Variants in USP6NL observed in about 807,000 individuals in gnomAD.
USP6NL encodes USP6 N-terminal like, also known as USP6 N-terminal-like protein.
A neutral mutation model predicts 61.9 loss-of-function variants in USP6NL; 26 were observed. The observed-to-expected ratio is 0.42, with a 90% CI of 0.31 to 0.58. The LOEUF is 0.58. USP6NL is among the 20% of genes least tolerant of loss of function. The pLI, the probability that USP6NL is intolerant of heterozygous loss-of-function variation, is 0.16. For synonymous variants in USP6NL, 432 were observed against 390.1 expected, an observed-to-expected ratio of 1.11 and a Z score of -1.27; for missense variants, 1,114 against 1,034.3, an observed-to-expected ratio of 1.08 and a Z score of -1.06.
At chr10:11,536,593 T>C (rs1394408074) in intron 2 of USP6NL, among the ~76,000 whole-genome samples, 1 of 152,244 alleles carries the variant, frequency 6.6e-6, no homozygotes, top group African/African-American at 2.4e-5. Context: ...CTGCTGCTAA[T>C]TGGAGTGTAT....
In USP6NL at chr10:11,463,426, T is replaced by G. The variant is rs747886373; in HGVS notation, c.1502A>C (p.Lys501Thr). Residue 501 changes from lysine (K) to threonine (T), a missense_variant, in exon 15 of 15, where the codon AAA becomes ACA. Coordinates refer to ENST00000609104, the MANE Select transcript of USP6NL (RefSeq NM_014688.5). This position sits in a 1 kb window ranked among gnomAD's most constrained non-coding sequence, Gnocchi z 6.3. ...SDVSATERTA[K>T]YTMEGKGRAA... Reference sequence around the variant, plus strand: ...TCGACCTTTGCCTTCCATGGTGTATTTGGCAGTTCTCTCTGTAGCTGAGAC... The same window carrying G: ...TCGACCTTTGCCTTCCATGGTGTATGTGGCAGTTCTCTCTGTAGCTGAGAC... 1.2e-6 allele frequency: 2 copies of G among 1,613,922 alleles called. No homozygotes were observed. Among genetic ancestry groups the G allele is most frequent in the African/African-American group, 2.7e-5 (2 of 74,934 alleles).
intron 6 of USP6NL, among the ~76,000 whole-genome samples, chr10:11,502,203 G>T (rs982528122): frequency 6.6e-6 from 1 of 150,788 alleles, no homozygotes; most frequent in Non-Finnish European, 1.5e-5. Flanking sequence ...AGCTTGCAGT[G>T]AGCCGAGATT....
At chr10:11,599,427 AGCCAAAGAAATACTTATT>A (rs1364770761) in intron 1 of USP6NL, among the ~76,000 whole-genome samples, 1 of 152,232 alleles carries the variant, frequency 6.6e-6, no homozygotes, top group African/African-American at 2.4e-5. Context: ...AACCAAAAGG[AGCCAAAGAAATACTTATT>A]CAAGGATTTC....
At chr10:11,526,238 C>A (rs1184420021) in intron 3 of USP6NL, among the ~76,000 whole-genome samples, 1 of 152,098 alleles carries the variant, frequency 6.6e-6, no homozygotes, top group African/African-American at 2.4e-5. Context: ...GTGAAGAAAC[C>A]CCAAATATAA....
At position 11,587,004 on chromosome 10, in the gene USP6NL, T is replaced by C. The variant is rs116397194; in HGVS notation, c.4+10627A>G. 0.012 allele frequency among the ~76,000 whole-genome samples: 1,798 copies of C among 152,188 alleles called. 38 individuals carry two copies. The highest frequency in any genetic ancestry group is 0.04 in the African/African-American group (1,656 of 41,544). On this transcript the variant is annotated intron_variant, in intron 2 of 14. Coordinates refer to ENST00000609104, the MANE Select transcript of USP6NL (RefSeq NM_014688.5). The surrounding 1 kb of genome is among the most constrained non-coding windows in gnomAD (Gnocchi z 4.5). ...AACCTCCCTGTGAGGACAGATTCCC[T>C]TGCTCCTGCAGGAGCAAGGACTCCC...
rs1838289415 is a variant in USP6NL at position 11,595,265 on chromosome 10, A to G, written c.4+2366T>C. 6.6e-6 allele frequency among the ~76,000 whole-genome samples: 1 copy of G among 152,208 alleles called. No individual in the cohort carries two copies. The highest frequency in any genetic ancestry group is 2.1e-4 in the South Asian group (1 of 4,824). On this transcript the variant is annotated intron_variant, in intron 2 of 14. Coordinates refer to ENST00000609104, the MANE Select transcript of USP6NL (RefSeq NM_014688.5). This position sits in a 1 kb window ranked among gnomAD's most constrained non-coding sequence, Gnocchi z 5.3. ...ATAAAGGGTGAGGCACACTGAAGGC[A>G]CAAGGTCAGCTGGACTCTGGGCCCA... is the stretch of plus-strand genomic sequence containing the variant.
At position 11,562,555 on chromosome 10, in the gene USP6NL, A is replaced by G; in HGVS notation, c.5-34988T>C. 1 of 985,432 alleles carries G rather than the reference A, an allele frequency of 1.0e-6. No homozygotes were observed. The highest frequency in any genetic ancestry group is 1.2e-6 in the Non-Finnish European group (1 of 829,922). 61.0% of individuals were successfully genotyped at this position (985,432 alleles called of 1,614,324 possible). On this transcript the variant is annotated intron_variant, in intron 2 of 14. Transcript: ENST00000609104. This position sits in a 1 kb window ranked among gnomAD's most constrained non-coding sequence, Gnocchi z 4.8. The stretch of plus-strand genomic sequence containing the variant: ...TGGCCACTGTGACTACTCTGAGTCT[A>G]GCTAGCCTGGACTGTTTCAGCCACT...
At chr10:11,584,697 G>A (rs139034095) in intron 2 of USP6NL, among the ~76,000 whole-genome samples, 178 of 152,290 alleles carry the variant, frequency 1.2e-3, no homozygotes, top group African/African-American at 3.7e-3. Context: ...AGCATTCTGG[G>A]AGGCCGAGGC....
At chr10:11,582,958 A>T (rs892663429) in intron 2 of USP6NL, among the ~76,000 whole-genome samples, 5 of 149,472 alleles carry the variant, frequency 3.3e-5, no homozygotes, top group African/African-American at 1.2e-4. Context: ...GTACCATGCG[A>T]ATTGCTGTTT....
At position 11,487,251 on chromosome 10, in the gene USP6NL, C is replaced by T. The variant is rs74857513; in HGVS notation, c.665-1340G>A. On this transcript the variant is annotated intron_variant, in intron 10 of 14. Coordinates refer to ENST00000609104, the MANE Select transcript of USP6NL (RefSeq NM_014688.5). The surrounding 1 kb of genome is among the most constrained non-coding windows in gnomAD (Gnocchi z 4.2). The stretch of plus-strand genomic sequence containing the variant: ...TCATATTTTATATTTTCATCCTTAG[C>T]TTCAATTCCACACATTTATAAGTGA... Among the ~76,000 whole-genome samples, 2,270 of 152,272 alleles carry T rather than the reference C, an allele frequency of 0.015. 53 individuals are homozygous for T. Among genetic ancestry groups the T allele is most frequent in the African/African-American group, 0.051 (2,115 of 41,570 alleles).
intron 2 of USP6NL, among the ~76,000 whole-genome samples, chr10:11,577,040 T>C (rs1309894248): frequency 6.6e-6 from 1 of 151,858 alleles, no homozygotes; most frequent in African/African-American, 2.4e-5. Flanking sequence ...TTTAAAAATA[T>C]ATAATTTTCC....
chr10:11,484,216 TTTTC>T (rs1204013592), intron 13 of USP6NL, among the ~76,000 whole-genome samples: 1 of 152,156 alleles, frequency 6.6e-6, no homozygotes, highest in African/African-American at 2.4e-5. Context: ...CTTTCAATGA[TTTTC>T]TTTTCTGCAT....
chr10:11,601,954 T>C (rs1838544186), intron 1 of USP6NL, among the ~76,000 whole-genome samples: 2 of 152,148 alleles, frequency 1.3e-5, no homozygotes, highest in African/African-American at 4.8e-5. Context: ...TTTTTCTAAG[T>C]TGCTATTTAG....
Position 11,481,692 on chromosome 10 carries a change from G to A in USP6NL, c.1078+78C>T. The A allele has an allele frequency of 2.8e-6, 4 of 1,441,486 alleles. No homozygotes were observed. The highest frequency in any genetic ancestry group is 2.8e-6 in the Non-Finnish European group (3 of 1,080,070). 89.3% of individuals were successfully genotyped at this position (1,441,486 alleles called of 1,614,324 possible). A position where few individuals can be genotyped will look rare whatever the true frequency, so the allele number is the denominator to read the frequency against. ...AGTATAATGCTTACGCTGTGGGCAAGAAACAGCCCATGTTAATTATGCCAT... is the reference window on the plus strand; with the variant it reads ...AGTATAATGCTTACGCTGTGGGCAAAAAACAGCCCATGTTAATTATGCCAT... On this transcript the variant is annotated intron_variant, in intron 14 of 14. Transcript: ENST00000609104. The surrounding 1 kb of genome is among the most constrained non-coding windows in gnomAD (Gnocchi z 4.4).
rs749021515 is a variant in USP6NL at position 11,485,881 on chromosome 10, A to C, written c.695T>G (p.Leu232Trp). 6.4e-7 allele frequency: 1 copy of C among 1,554,680 alleles called. No homozygotes were observed. Among genetic ancestry groups the C allele is most frequent in the East Asian group, 2.4e-5 (1 of 42,196 alleles). The change falls in exon 11 of 15, where the codon TTG (leucine) becomes TGG (tryptophan). Residue 232 changes from leucine to tryptophan, a missense_variant. By Grantham distance (61) the Leu-to-Trp change is moderately conservative (BLOSUM62 -2). Coordinates refer to ENST00000609104, the MANE Select transcript of USP6NL (RefSeq NM_014688.5). The surrounding 1 kb of genome is among the most constrained non-coding windows in gnomAD (Gnocchi z 4.8). The stretch of plus-strand genomic sequence containing the variant: ...TTTTTCATGATGTTCTTGAAACCTC[A>C]AGAGTTTAGGAAAACCTTGGACAAA... ...GFFVQGFPKL[L>W]RFQEHHEKIL...
intron 2 of USP6NL, among the ~76,000 whole-genome samples, chr10:11,572,834 A>T (rs1317215781): frequency 1.3e-5 from 2 of 152,094 alleles, no homozygotes; most frequent in Non-Finnish European, 2.9e-5. Flanking sequence ...AACTGACTTG[A>T]TGGCCTGTGA....
At chr10:11,554,493 G>A (rs965926803) in intron 2 of USP6NL, among the ~76,000 whole-genome samples, 1 of 152,210 alleles carries the variant, frequency 6.6e-6, no homozygotes, top group Admixed American at 6.5e-5. Flanking sequence ...TAAAGGGGCA[G>A]CAACCTGGTA....
chr10:11,611,508 C>G lies in USP6NL; in HGVS notation c.-149G>C, dbSNP rs1434926413. On this transcript the variant is annotated 5_prime_UTR_variant, in exon 1 of 15. Coordinates refer to ENST00000609104, the MANE Select transcript of USP6NL (RefSeq NM_014688.5). The surrounding 1 kb of genome is among the most constrained non-coding windows in gnomAD (Gnocchi z 5.3). ...GAGCTGGCGGTCCCGGGCGGCCGAG[C>G]AGATCCGGCGCGGCGCGGCGCGGCG... The G allele has an allele frequency of 6.3e-6, 1 of 159,826 alleles. No homozygotes were observed. The highest frequency in any genetic ancestry group is 2.4e-5 in the African/African-American group (1 of 41,320). 9.9% of individuals were successfully genotyped at this position (159,826 alleles called of 1,614,324 possible).
At chr10:11,544,416 C>A (rs888392772) in intron 2 of USP6NL, among the ~76,000 whole-genome samples, 5 of 152,170 alleles carry the variant, frequency 3.3e-5, no homozygotes, top group African/African-American at 1.2e-4. Context: ...CTAGAAAGCA[C>A]TGTCTTGAAG....
Sources: allele counts gnomAD v4.1 joint callset (sites outside exome capture counted in the v4.1 genomes callset), GRCh38; gene constraint gnomAD v4.1.1; non-coding constraint Gnocchi (gnomAD v3.1); transcripts MANE v1.5; gene names NCBI Gene and HGNC (gene_info 2026-07-23, HGNC 2026-07-21).